UIMC1: variants seen among roughly 807,000 people sequenced by gnomAD.
The protein encoded by UIMC1 is BRCA1-A complex subunit RAP80.
Under a neutral mutation model 84.9 loss-of-function variants are expected in UIMC1, and 42 were observed. The observed-to-expected ratio is 0.49, with a 90% CI of 0.39 to 0.64. The LOEUF (loss-of-function observed/expected upper bound fraction) is 0.64. Among genes scored for constraint, UIMC1 ranks in the 30% least tolerant of loss-of-function variants. UIMC1 has a pLI of 0.00. For missense variants in UIMC1, 825 were observed against 847.6 expected (o/e 0.97, Z 0.33); for synonymous variants, 281 against 293.0 (o/e 0.96, Z 0.42).
At position 177,011,872 on chromosome 5, in the gene UIMC1, C is replaced by T. The variant is rs184486586; in HGVS notation, c.-9+10592G>A. Among the ~76,000 whole-genome samples, 693 of 151,982 alleles carry T rather than the reference C, an allele frequency of 4.6e-3. 6 individuals are homozygous for T. Among genetic ancestry groups the T allele is most frequent in the Admixed American group, 6.5e-3 (99 of 15,252 alleles). On this transcript the variant is annotated intron_variant, in intron 1 of 5. Transcript: ENST00000509236. Reference sequence around the variant, plus strand: ...CTGGAGTGCAGTGGCACAATCTCAGCTCACCGCAAGCTCTGCCTCCTGGGT... The same window carrying T: ...CTGGAGTGCAGTGGCACAATCTCAGTTCACCGCAAGCTCTGCCTCCTGGGT...
chr5:177,016,832 G>A (rs1302995018), intron 1 of UIMC1, among the ~76,000 whole-genome samples: 1 of 151,946 alleles, frequency 6.6e-6, no homozygotes, highest in Non-Finnish European at 1.5e-5. Flanking sequence ...AGACCACCCT[G>A]GCCAACATGG....
rs370496876 is a variant in UIMC1, at chr5:176,978,242, A to G, written c.148-2762T>C. Among the ~76,000 whole-genome samples the G allele has an allele frequency of 5.3e-5, 8 of 152,076 alleles. No individual in the cohort carries two copies. The South Asian group carries it at 8.3e-4, about 16-fold the overall frequency. On this transcript the variant is annotated intron_variant, in intron 2 of 14. Transcript: ENST00000511320. ...AAAAAAACTAGCCAGGCGTGGTGGC[A>G]GGCGCCTGTAGTCCCAGCTACTCGC...
chr5:176,926,523 G>A (rs1762406588), intron 10 of UIMC1, among the ~76,000 whole-genome samples: 1 of 151,982 alleles, frequency 6.6e-6, no homozygotes, highest in Admixed American at 6.6e-5. Flanking sequence ...TGCAGTCCTA[G>A]CTACTAGGGA....
intron 10 of UIMC1, among the ~76,000 whole-genome samples, chr5:176,920,517 CTAAG>C (rs1469052988): frequency 1.3e-5 from 2 of 152,024 alleles, no homozygotes; most frequent in Non-Finnish European, 2.9e-5. Flanking sequence ...AAACATATTC[CTAAG>C]TATTTTATTA....
chr5:176,941,211 G>A (rs1056179252), intron 10 of UIMC1, among the ~76,000 whole-genome samples: 6 of 152,102 alleles, frequency 3.9e-5, no homozygotes, highest in African/African-American at 1.4e-4. Context: ...GTGACATGAT[G>A]AAATATTTAC....
chr5:176,936,288 A>C (rs577072697), intron 10 of UIMC1, among the ~76,000 whole-genome samples: 24 of 152,250 alleles, frequency 1.6e-4, no homozygotes, highest in African/African-American at 5.5e-4. Flanking sequence ...CAAATGAGGA[A>C]CCTGATCCTG....
chr5:176,956,123 A>T (rs1360807059), intron 7 of UIMC1, 88 bp from the exon 8 acceptor site: 1 of 1,211,440 alleles, frequency 8.3e-7, no homozygotes, highest in Admixed American at 2.0e-5. Context: ...TCACAAAGCC[A>T]CAGGTAATCA....
intron 10 of UIMC1, among the ~76,000 whole-genome samples, chr5:176,935,784 C>T (rs1352586890): frequency 6.6e-6 from 1 of 152,152 alleles, no homozygotes; most frequent in African/African-American, 2.4e-5. Flanking sequence ...TGCTTAGTCA[C>T]AAGTCAAGCC....
intron 1 of UIMC1, among the ~76,000 whole-genome samples, chr5:177,004,911 T>A (rs1319934336): frequency 6.6e-6 from 1 of 152,136 alleles, no homozygotes; most frequent in Non-Finnish European, 1.5e-5. Flanking sequence ...CCTAGCACTT[T>A]CTTTATTTGG....
chr5:176,998,684 T>C (rs1774000394), intron 1 of UIMC1, among the ~76,000 whole-genome samples: 1 of 151,854 alleles, frequency 6.6e-6, no homozygotes, highest in Non-Finnish European at 1.5e-5. Flanking sequence ...GGAGAATCGC[T>C]TGAACCCGGG....
chr5:176,932,054 C>T (rs2149425067), intron 10 of UIMC1, among the ~76,000 whole-genome samples: 1 of 152,270 alleles, frequency 6.6e-6, no homozygotes, highest in South Asian at 2.1e-4. Context: ...TTATTAATCC[C>T]AGAGGAGTAA....
At chr5:176,916,632 G>T (rs537225992) in intron 10 of UIMC1, among the ~76,000 whole-genome samples, 1 of 152,300 alleles carries the variant, frequency 6.6e-6, no homozygotes, top group East Asian at 1.9e-4. Context: ...AGAGTATCCA[G>T]CCCACAGAAA....
intron 10 of UIMC1, among the ~76,000 whole-genome samples, chr5:176,932,256 G>GA (rs1363182278): frequency 6.6e-6 from 1 of 152,184 alleles, no homozygotes; most frequent in Non-Finnish European, 1.5e-5. Context: ...CTAGTGCCCA[G>GA]AATCTGTTCC....
In UIMC1 at chr5:176,913,506, C is replaced by A. The variant is rs527394298; in HGVS notation, c.1598-2117G>T. Among the ~76,000 whole-genome samples the A allele has an allele frequency of 5.9e-5, 9 of 152,320 alleles. No homozygotes were observed. The East Asian group carries it at 1.7e-3, about 29-fold the overall frequency. Reference sequence around the variant, plus strand: ...ACCCCAAACAGAATCCAATATTCAACAAACAATCCAACTAGTAAAAAGAAC... The same window carrying A: ...ACCCCAAACAGAATCCAATATTCAAAAAACAATCCAACTAGTAAAAAGAAC... On this transcript the variant is annotated intron_variant, in intron 10 of 14. Coordinates refer to ENST00000511320, the MANE Select transcript of UIMC1 (RefSeq NM_001199298.2).
In UIMC1 at chr5:176,952,516, G is replaced by A. The variant is rs114682089; in HGVS notation, c.1340-939C>T. On this transcript the variant is annotated intron_variant, in intron 8 of 14. Transcript: ENST00000511320. The stretch of plus-strand genomic sequence containing the variant: ...CTAAGTAAGGTTTTATTGGAACACA[G>A]CCATGCTCATTCATCTATGTACTGT... Among the ~76,000 whole-genome samples the A allele has an allele frequency of 5.5e-3, 832 of 152,312 alleles. 5 individuals are homozygous for A. The highest frequency in any genetic ancestry group is 9.1e-3 in the Non-Finnish European group (622 of 68,028).
At chr5:176,990,998 ATTTT>A (rs1040766899) in intron 1 of UIMC1, among the ~76,000 whole-genome samples, 2 of 151,280 alleles carry the variant, frequency 1.3e-5, no homozygotes, top group Admixed American at 1.3e-4. Flanking sequence ...TTTTTATTTT[ATTTT>A]TTATTTTTAT....
chr5:177,007,044 A>G (rs1240816202), upstream of UIMC1, among the ~76,000 whole-genome samples: 3 of 152,202 alleles, frequency 2.0e-5, no homozygotes, highest in Non-Finnish European at 2.9e-5. Context: ...TTTCACGTCT[A>G]GAAAAATACG....
chr5:176,965,137 T>C (rs570007344), intron 6 of UIMC1, among the ~76,000 whole-genome samples: 1 of 152,308 alleles, frequency 6.6e-6, no homozygotes, highest in East Asian at 1.9e-4. Flanking sequence ...TTAAAACTTC[T>C]GAAGCCAGGC....
chr5:176,944,936 G>A (rs778243361), intron 9 of UIMC1, among the ~76,000 whole-genome samples: 10 of 152,266 alleles, frequency 6.6e-5, no homozygotes, highest in East Asian at 1.9e-4. Flanking sequence ...CCAACAAGCC[G>A]CTGGACAGAA....
Sources: allele counts gnomAD v4.1 joint callset (sites outside exome capture counted in the v4.1 genomes callset), GRCh38; gene constraint gnomAD v4.1.1; transcripts MANE v1.5; gene names NCBI Gene and HGNC (gene_info 2026-07-23, HGNC 2026-07-21).